The following RBFOX1 variants were observed in gnomAD, a reference collection of about 807,000 sequenced individuals.
RBFOX1 encodes the protein RNA binding protein fox-1 homolog 1.
A neutral mutation model predicts 57.7 loss-of-function variants in RBFOX1; 8 were observed. The ratio of observed to expected loss-of-function variants is 0.14; its 90% CI spans 0.08 to 0.25. The LOEUF is 0.25. Among genes scored for constraint, RBFOX1 ranks in the 10% least tolerant of loss-of-function variants. The pLI is 1.00. For missense variants in RBFOX1, 611 were observed against 548.5 expected (o/e 1.11, Z -1.14); for synonymous variants, 326 against 222.4 (o/e 1.47, Z -4.15).
chr16:6,141,463 C>A (rs1034716045), intron 1 of RBFOX1, among the ~76,000 whole-genome samples: 1 of 152,098 alleles, frequency 6.6e-6, no homozygotes, highest in Non-Finnish European at 1.5e-5. Flanking sequence ...CCAAACTCAC[C>A]TCCATTTCTC....
intron 2 of RBFOX1, among the ~76,000 whole-genome samples, chr16:6,604,008 G>A (rs780300160): frequency 2.0e-5 from 3 of 152,102 alleles, no homozygotes; most frequent in Non-Finnish European, 4.4e-5. Flanking sequence ...GCAGCTAACT[G>A]TGGTCCTTTC....
intron 3 of RBFOX1, among the ~76,000 whole-genome samples, chr16:6,833,124 C>CT (rs139382540): frequency 0.012 from 1,869 of 151,120 alleles, 45 homozygotes; most frequent in African/African-American, 0.042. Flanking sequence ...TGGCACTTTC[C>CT]TTTTTTTTCA....
intron 2 of RBFOX1, among the ~76,000 whole-genome samples, chr16:6,329,462 A>G (rs1438252326): frequency 6.6e-6 from 1 of 152,202 alleles, no homozygotes; most frequent in Non-Finnish European, 1.5e-5. Context: ...CTTGACCACT[A>G]TACTAAACTC....
At chr16:7,119,020 G>A (rs1391321550) in intron 4 of RBFOX1, among the ~76,000 whole-genome samples, 1 of 152,116 alleles carries the variant, frequency 6.6e-6, no homozygotes, top group African/African-American at 2.4e-5. Flanking sequence ...ACACTCATGG[G>A]GAGAGATCAA....
intron 3 of RBFOX1, among the ~76,000 whole-genome samples, chr16:6,799,093 T>C (rs891904915): frequency 6.6e-6 from 1 of 151,984 alleles, no homozygotes; most frequent in African/African-American, 2.4e-5. Flanking sequence ...GAAGATGGGG[T>C]ACGGTGACTA....
At chr16:7,117,855 A>G (rs960494488) in intron 4 of RBFOX1, among the ~76,000 whole-genome samples, 13 of 152,174 alleles carry the variant, frequency 8.5e-5, no homozygotes, top group Admixed American at 5.2e-4. Flanking sequence ...GGTTGCTGGC[A>G]GGATTCATTT....
At chr16:6,241,142 G>A (rs1326515591) in intron 1 of RBFOX1, among the ~76,000 whole-genome samples, 1 of 152,176 alleles carries the variant, frequency 6.6e-6, no homozygotes, top group Non-Finnish European at 1.5e-5. Context: ...TAATGTAGAG[G>A]AAAGCCCAGC....
chr16:7,059,919 C>G (rs956382875), intron 4 of RBFOX1, among the ~76,000 whole-genome samples: 3 of 152,066 alleles, frequency 2.0e-5, no homozygotes, highest in Non-Finnish European at 4.4e-5. Flanking sequence ...AAACTAAATG[C>G]TTTGGAAACA....
rs1415317941 is a variant in RBFOX1, at chr16:6,984,776, G to C, written c.-15-67281G>C. On this transcript the variant is annotated intron_variant, in intron 3 of 15. Coordinates refer to ENST00000550418, the MANE Select transcript of RBFOX1 (RefSeq NM_018723.4). ...CTGCCTCAGCCTCCTGAGTAGCTAA[G>C]ATTAGAGGTGCATGCCACCACACCT... 3.9e-5 allele frequency among the ~76,000 whole-genome samples: 6 copies of C among 152,112 alleles called. No homozygotes were observed. In the East Asian group the frequency reaches 1.2e-3, roughly 29 times the overall value.
chr16:5,428,814 G>T (rs1350666456), intron 1 of RBFOX1, among the ~76,000 whole-genome samples: 2 of 152,132 alleles, frequency 1.3e-5, no homozygotes, highest in Non-Finnish European at 2.9e-5. Context: ...TTTTTTTGGG[G>T]ACTGTAGCTG....
At chr16:6,890,768 G>A (rs1016938216) in intron 3 of RBFOX1, among the ~76,000 whole-genome samples, 9 of 152,152 alleles carry the variant, frequency 5.9e-5, no homozygotes, top group African/African-American at 2.2e-4. Flanking sequence ...TCTGATTTAA[G>A]CTTTTTTAAC....
chr16:6,678,657 C>A (rs140673681), intron 3 of RBFOX1, among the ~76,000 whole-genome samples: 14 of 151,556 alleles, frequency 9.2e-5, no homozygotes, highest in African/African-American at 2.7e-4. Flanking sequence ...AATGACACTT[C>A]TAAGACACAA....
At chr16:5,424,241 T>C (rs893699884) in intron 1 of RBFOX1, among the ~76,000 whole-genome samples, 9 of 152,214 alleles carry the variant, frequency 5.9e-5, no homozygotes, top group Admixed American at 4.6e-4. Context: ...CTGAATTGCA[T>C]TGAGAGACAG....
chr16:7,525,958 C>G (rs2078608293), intron 5 of RBFOX1, among the ~76,000 whole-genome samples: 1 of 152,142 alleles, frequency 6.6e-6, no homozygotes, highest in African/African-American at 2.4e-5. Flanking sequence ...GTACCCAACT[C>G]CCAGGCCACA....
intron 4 of RBFOX1, among the ~76,000 whole-genome samples, chr16:7,397,684 A>G (rs954444984): frequency 3.3e-5 from 5 of 152,240 alleles, no homozygotes; most frequent in Non-Finnish European, 5.9e-5. Flanking sequence ...TGATATTTAC[A>G]TAGGAAGACT....
chr16:7,394,049 A>G (rs532348263), intron 4 of RBFOX1, among the ~76,000 whole-genome samples: 1 of 152,158 alleles, frequency 6.6e-6, no homozygotes, highest in South Asian at 2.1e-4. Flanking sequence ...CATCCTGGCC[A>G]CAATGGTGAA....
chr16:6,028,725 TC>T (rs2095243264), intron 1 of RBFOX1, among the ~76,000 whole-genome samples: 1 of 152,144 alleles, frequency 6.6e-6, no homozygotes, highest in Non-Finnish European at 1.5e-5. Context: ...ATTTCTCATT[TC>T]TGATTTGGAG....
At chr16:7,688,375 TAAG>T (rs1204211349) in intron 14 of RBFOX1, among the ~76,000 whole-genome samples, 2 of 151,826 alleles carry the variant, frequency 1.3e-5, no homozygotes, top group East Asian at 1.9e-4. Context: ...GTAACAGAAT[TAAG>T]AAGCCAAATA....
intron 3 of RBFOX1, among the ~76,000 whole-genome samples, chr16:6,936,399 A>G (rs1375447404): frequency 6.6e-6 from 1 of 152,184 alleles, no homozygotes; most frequent in Non-Finnish European, 1.5e-5. Flanking sequence ...CTTCTTGGTG[A>G]GTTTGTGAAA....
Sources: allele counts gnomAD v4.1 joint callset (sites outside exome capture counted in the v4.1 genomes callset), GRCh38; gene constraint gnomAD v4.1.1; transcripts MANE v1.5; gene names NCBI Gene and HGNC (gene_info 2026-07-23, HGNC 2026-07-21).